The following NCAM2 variants were observed in gnomAD, a reference collection of about 807,000 sequenced individuals.
NCAM2 encodes neural cell adhesion molecule 2, also known as N-CAM-2.
A neutral mutation model predicts 98.1 loss-of-function variants in NCAM2; 30 were observed. The observed-to-expected ratio is 0.31, with a 90% confidence interval of 0.23 to 0.41. The LOEUF (loss-of-function observed/expected upper bound fraction) is 0.41, where lower values mean the gene tolerates loss of function less well. Ranked by LOEUF, NCAM2 falls within the 10% of genes least tolerant of loss-of-function variation. NCAM2 has a pLI of 1.00. For synonymous variants in NCAM2, 368 were observed against 342.4 expected (o/e 1.07, Z -0.83); for missense variants, 867 against 1,005.8 (o/e 0.86, Z 1.87).
intron 6 of NCAM2, among the ~76,000 whole-genome samples, chr21:21,328,742 G>A (rs1301552684): frequency 1.3e-5 from 2 of 151,820 alleles, no homozygotes; most frequent in African/African-American, 4.8e-5. Flanking sequence ...AGTATATAAA[G>A]TAAAAAAAGC....
intron 12 of NCAM2, 39 bp downstream of exon 12, chr21:21,432,320 C>T (rs1355098296): frequency 6.3e-7 from 1 of 1,588,374 alleles, no homozygotes; most frequent in South Asian, 1.1e-5. Flanking sequence ...TTAATTCAAG[C>T]TGATCTTCAG....
intron 8 of NCAM2, among the ~76,000 whole-genome samples, chr21:21,372,138 T>A (rs1209717017): frequency 6.6e-6 from 1 of 151,852 alleles, no homozygotes; most frequent in Admixed American, 6.6e-5. Flanking sequence ...TAATTTCAAT[T>A]GTTTGACAAT....
intron 9 of NCAM2, among the ~76,000 whole-genome samples, chr21:21,377,416 A>G (rs1187424243): frequency 6.6e-6 from 1 of 151,944 alleles, no homozygotes; most frequent in Non-Finnish European, 1.5e-5. Context: ...GAATGTATAT[A>G]CATAGAGTCA....
In NCAM2 at chr21:21,279,815, T is replaced by C. The variant is rs1390057572; in HGVS notation, c.56-763T>C. 2.0e-5 allele frequency among the ~76,000 whole-genome samples: 3 copies of C among 152,232 alleles called. No individual in the cohort carries two copies. In the East Asian group the frequency reaches 5.8e-4, roughly 29 times the overall value. Reference sequence around the variant, plus strand: ...GATTGACCTCTTGCAGCTTTGTCACTTTACCAAAAGCTCAAGTACGTGCAT... The same window carrying C: ...GATTGACCTCTTGCAGCTTTGTCACCTTACCAAAAGCTCAAGTACGTGCAT... On this transcript the variant is annotated intron_variant, in intron 1 of 17. Coordinates refer to ENST00000400546, the MANE Select transcript of NCAM2 (RefSeq NM_004540.5).
At chr21:21,475,406 GTCACTATTGTGT>G (rs1223750613) in intron 14 of NCAM2, among the ~76,000 whole-genome samples, 1 of 152,034 alleles carries the variant, frequency 6.6e-6, no homozygotes, top group East Asian at 1.9e-4. Flanking sequence ...ACATGTCTTG[GTCACTATTGTGT>G]TCATGCCTTC....
At chr21:21,101,557 CT>C (rs2066241322) in intron 1 of NCAM2, among the ~76,000 whole-genome samples, 1 of 151,978 alleles carries the variant, frequency 6.6e-6, no homozygotes, top group South Asian at 2.1e-4. Context: ...TTAAAGCTTT[CT>C]TTTATTTCAA....
chr21:20,998,760 C>T, intron 1 of NCAM2, 142 bp downstream of exon 1: 1 of 843,578 alleles, frequency 1.2e-6, no homozygotes, highest in African/African-American at 1.7e-5. Context: ...TATTTTCGTT[C>T]TTTCTCCTAG....
At chr21:21,239,795 A>G (rs1009880020) in intron 1 of NCAM2, among the ~76,000 whole-genome samples, 3 of 152,182 alleles carry the variant, frequency 2.0e-5, no homozygotes, top group African/African-American at 4.8e-5. Context: ...TATAAAATAT[A>G]TACACCTTAA....
At chr21:21,476,029 T>C (rs540703354) in intron 14 of NCAM2, among the ~76,000 whole-genome samples, 2 of 152,300 alleles carry the variant, frequency 1.3e-5, no homozygotes, top group East Asian at 3.9e-4. Context: ...AATTTAACTT[T>C]CACAATTATA....
chr21:21,052,495 A>G (rs985069477), intron 1 of NCAM2, among the ~76,000 whole-genome samples: 2 of 152,000 alleles, frequency 1.3e-5, no homozygotes, highest in Admixed American at 6.5e-5. Context: ...TGTGACTTCT[A>G]TATGTCTCTC....
At chr21:21,282,295 A>G (rs1281228409) in intron 2 of NCAM2, among the ~76,000 whole-genome samples, 1 of 151,958 alleles carries the variant, frequency 6.6e-6, no homozygotes, top group East Asian at 1.9e-4. Context: ...TATGAAATAT[A>G]TTGCACAGAC....
chr21:21,507,338 A>G (rs1392118075), intron 15 of NCAM2, among the ~76,000 whole-genome samples: 1 of 152,164 alleles, frequency 6.6e-6, no homozygotes, highest in Non-Finnish European at 1.5e-5. Context: ...TTTTATACAT[A>G]TATAAAACAA....
At chr21:21,382,662 C>T (rs150666688) in intron 9 of NCAM2, among the ~76,000 whole-genome samples, 1,828 of 151,796 alleles carry the variant, frequency 0.012, 38 homozygotes, top group African/African-American at 0.042. Flanking sequence ...ATTACAGGTG[C>T]GTGCCACCAT....
At chr21:21,464,818 T>C (rs1983465762) in intron 12 of NCAM2, among the ~76,000 whole-genome samples, 1 of 152,136 alleles carries the variant, frequency 6.6e-6, no homozygotes, top group Non-Finnish European at 1.5e-5. Context: ...CTACCAGTTA[T>C]CAAGTGGGTT....
intron 1 of NCAM2, among the ~76,000 whole-genome samples, chr21:21,188,158 A>G (rs1206505541): frequency 6.6e-6 from 1 of 152,190 alleles, no homozygotes; most frequent in East Asian, 1.9e-4. Context: ...GGACAAGCAG[A>G]TTTCCTATAA....
chr21:21,467,673 C>G (rs963817952), intron 13 of NCAM2, among the ~76,000 whole-genome samples: 2 of 151,418 alleles, frequency 1.3e-5, no homozygotes, highest in Non-Finnish European at 2.9e-5. Context: ...TAGTAAAACC[C>G]TATCTCTCCA....
chr21:21,492,952 A>G (rs942592063), intron 15 of NCAM2, among the ~76,000 whole-genome samples: 2 of 151,940 alleles, frequency 1.3e-5, no homozygotes, highest in African/African-American at 2.4e-5. Context: ...TAATTTCACA[A>G]TAGCTGAATG....
intron 1 of NCAM2, among the ~76,000 whole-genome samples, chr21:21,270,780 C>T (rs1205514306): frequency 6.6e-6 from 1 of 151,900 alleles, no homozygotes; most frequent in Non-Finnish European, 1.5e-5. Flanking sequence ...ACATGCTTGA[C>T]CTTTGGGAGA....
intron 5 of NCAM2, among the ~76,000 whole-genome samples, chr21:21,298,479 G>A (rs953671493): frequency 1.3e-5 from 2 of 151,506 alleles, no homozygotes; most frequent in Non-Finnish European, 3.0e-5. Flanking sequence ...TTCAAGAATA[G>A]GCAATCTGGG....
Sources: allele counts gnomAD v4.1 joint callset (sites outside exome capture counted in the v4.1 genomes callset), GRCh38; gene constraint gnomAD v4.1.1; transcripts MANE v1.5; gene names NCBI Gene and HGNC (gene_info 2026-07-23, HGNC 2026-07-21).